CTNND2: variants seen among roughly 807,000 people sequenced by gnomAD.
The protein encoded by CTNND2 is catenin delta 2.
Under a neutral mutation model 144.4 loss-of-function variants are expected in CTNND2, and 22 were observed. That is an observed-to-expected ratio of 0.15 (90% CI 0.11 to 0.22). CTNND2 has a LOEUF of 0.22. CTNND2 is among the 10% of genes least tolerant of loss of function. CTNND2 has a pLI of 1.00. For synonymous variants in CTNND2, 751 were observed against 695.6 expected (o/e 1.08, Z -1.25); for missense variants, 1,353 against 1,618.8 (o/e 0.84, Z 2.82).
At chr5:11,123,402 C>T (rs1014232091) in intron 12 of CTNND2, among the ~76,000 whole-genome samples, 4 of 152,138 alleles carry the variant, frequency 2.6e-5, no homozygotes, top group African/African-American at 4.8e-5. Flanking sequence ...TGGTTGTCAC[C>T]GCTGGGTGAG....
At chr5:11,674,673 G>A (rs779947851) in intron 2 of CTNND2, among the ~76,000 whole-genome samples, 16 of 152,186 alleles carry the variant, frequency 1.1e-4, no homozygotes, top group South Asian at 2.1e-4. Context: ...GTGGGATTGC[G>A]GAGTCAAAAG....
chr5:11,116,990 T>C (rs541909115), intron 13 of CTNND2, among the ~76,000 whole-genome samples: 1 of 151,916 alleles, frequency 6.6e-6, no homozygotes, highest in African/African-American at 2.4e-5. Flanking sequence ...TCCCAGGAGG[T>C]GGAGGTTGCA....
chr5:11,730,504 TTTGGGCCCA>T (rs1787326777), intron 2 of CTNND2, among the ~76,000 whole-genome samples: 1 of 152,206 alleles, frequency 6.6e-6, no homozygotes, highest in Non-Finnish European at 1.5e-5. Context: ...ACCATTCTTT[TTTGGGCCCA>T]TTGGGTACTA....
intron 6 of CTNND2, among the ~76,000 whole-genome samples, chr5:11,394,840 T>C (rs1759932738): frequency 6.6e-6 from 1 of 152,160 alleles, no homozygotes; most frequent in Non-Finnish European, 1.5e-5. Flanking sequence ...TCCTTTGAAA[T>C]TACATTTAAA....
At chr5:11,464,693 C>T (rs1766505651) in intron 3 of CTNND2, among the ~76,000 whole-genome samples, 2 of 152,154 alleles carry the variant, frequency 1.3e-5, no homozygotes, top group South Asian at 2.1e-4. Flanking sequence ...CAGGTGAGAG[C>T]ATGGTGGACC....
chr5:11,285,428 T>C (rs940818435), intron 9 of CTNND2, among the ~76,000 whole-genome samples: 2 of 152,120 alleles, frequency 1.3e-5, no homozygotes, highest in Non-Finnish European at 2.9e-5. Flanking sequence ...CTAAAAGTGT[T>C]CCTGAAACAG....
chr5:11,586,362 C>T (rs1778862038), intron 2 of CTNND2, among the ~76,000 whole-genome samples: 1 of 152,154 alleles, frequency 6.6e-6, no homozygotes, highest in African/African-American at 2.4e-5. Flanking sequence ...ATGTCTCTTC[C>T]ATTTTTATAT....
intron 7 of CTNND2, among the ~76,000 whole-genome samples, chr5:11,367,413 C>A (rs1436516989): frequency 6.6e-6 from 1 of 152,140 alleles, no homozygotes; most frequent in African/African-American, 2.4e-5. Context: ...TTATTTGGGG[C>A]AATTTCAAGA....
chr5:11,159,477 G>T, intron 12 of CTNND2, 99 bp downstream of exon 12: 1 of 951,494 alleles, frequency 1.1e-6, no homozygotes, highest in Non-Finnish European at 1.5e-6. Context: ...TTTTCAGAAT[G>T]GTCTGATCCT....
At chr5:11,056,040 G>A (rs1333105639) in intron 16 of CTNND2, among the ~76,000 whole-genome samples, 1 of 152,224 alleles carries the variant, frequency 6.6e-6, no homozygotes, top group South Asian at 2.1e-4. Flanking sequence ...ATTCCAACAT[G>A]AGTAGTTGCA....
chr5:11,897,805 T>C (rs1164541727), intron 1 of CTNND2, among the ~76,000 whole-genome samples: 2 of 152,212 alleles, frequency 1.3e-5, no homozygotes, highest in Non-Finnish European at 2.9e-5. Context: ...CTGTGAAAGC[T>C]ACTATATCCA....
At chr5:11,864,019 T>G (rs921586832) in intron 1 of CTNND2, among the ~76,000 whole-genome samples, 18 of 152,300 alleles carry the variant, frequency 1.2e-4, no homozygotes, top group African/African-American at 4.3e-4. Flanking sequence ...GATTCACCAC[T>G]GCTGCATCAT....
chr5:11,669,227 T>C (rs1035783849), intron 2 of CTNND2, among the ~76,000 whole-genome samples: 2 of 152,168 alleles, frequency 1.3e-5, no homozygotes, highest in African/African-American at 4.8e-5. Context: ...AAAATTTTCT[T>C]TTTTGGTGTG....
At chr5:11,741,907 G>A (rs1311225814) in intron 1 of CTNND2, among the ~76,000 whole-genome samples, 1 of 151,318 alleles carries the variant, frequency 6.6e-6, no homozygotes, top group African/African-American at 2.4e-5. Flanking sequence ...GCAGTGACCT[G>A]GATGGAATTG....
chr5:11,118,612 A>G (rs936838590), intron 12 of CTNND2, among the ~76,000 whole-genome samples: 2 of 152,194 alleles, frequency 1.3e-5, no homozygotes, highest in African/African-American at 2.4e-5. Context: ...CTCAGACCCC[A>G]GCTCTCTAGG....
chr5:11,852,795 A>G (rs1446205520), intron 1 of CTNND2, among the ~76,000 whole-genome samples: 4 of 152,170 alleles, frequency 2.6e-5, no homozygotes, highest in Non-Finnish European at 5.9e-5. Flanking sequence ...TAGAAGACCC[A>G]ATTAATTATT....
At chr5:11,752,627 C>T (rs1788690626) in intron 1 of CTNND2, among the ~76,000 whole-genome samples, 1 of 151,534 alleles carries the variant, frequency 6.6e-6, no homozygotes, top group Admixed American at 6.6e-5. Context: ...AGTGCGATGC[C>T]TCCAGCTTTG....
intron 6 of CTNND2, among the ~76,000 whole-genome samples, chr5:11,393,812 C>T (rs1759836469): frequency 6.6e-6 from 1 of 152,102 alleles, no homozygotes; most frequent in African/African-American, 2.4e-5. Flanking sequence ...TATTATATGA[C>T]AGAGTAATGT....
At position 11,588,316 on chromosome 5, in the gene CTNND2, G is replaced by GA. The variant is rs146694655; in HGVS notation, c.175-23261dup. On this transcript the variant is annotated intron_variant, in intron 2 of 21. Coordinates refer to ENST00000304623, the MANE Select transcript of CTNND2 (RefSeq NM_001332.4). ...TTATTCCTTTAACTGCGCATCGAAGGAAAAAAAAAAAAGACCTACAATTTC... is the reference window on the plus strand; with the variant it reads ...TTATTCCTTTAACTGCGCATCGAAGGAAAAAAAAAAAAAGACCTACAATTTC... Among the ~76,000 whole-genome samples, 1,181 of 133,088 alleles carry GA rather than the reference G, an allele frequency of 8.9e-3. 9 individuals carry two copies. Among genetic ancestry groups the GA allele is most frequent in the East Asian group, 0.024 (115 of 4,712 alleles). The allele number at this position is 133,088 out of a possible 152,430, so 87.3% of individuals were successfully genotyped here. A position where few individuals can be genotyped will look rare whatever the true frequency, so the allele number is the denominator to read the frequency against.
Sources: allele counts gnomAD v4.1 joint callset (sites outside exome capture counted in the v4.1 genomes callset), GRCh38; gene constraint gnomAD v4.1.1; transcripts MANE v1.5; gene names NCBI Gene and HGNC (gene_info 2026-07-23, HGNC 2026-07-21).